PTPN5: variants seen among roughly 807,000 people sequenced by gnomAD.
PTPN5 encodes tyrosine-protein phosphatase non-receptor type 5.
A neutral mutation model predicts 73.9 loss-of-function variants in PTPN5; 29 were observed. That is an observed-to-expected ratio of 0.39 (90% CI 0.29 to 0.54). The LOEUF (loss-of-function observed/expected upper bound fraction) is 0.54, where lower values mean the gene tolerates loss of function less well. PTPN5 is among the 20% of genes least tolerant of loss of function. The pLI, the probability that PTPN5 is intolerant of heterozygous loss-of-function variation, is 0.65. For missense variants in PTPN5, 652 were observed against 751.4 expected (o/e 0.87, Z 1.55); for synonymous variants, 267 against 304.7 (o/e 0.88, Z 1.29).
chr11:18,762,265 C>A (rs1056367571), intron 3 of PTPN5, among the ~76,000 whole-genome samples: 2 of 152,134 alleles, frequency 1.3e-5, no homozygotes, highest in Non-Finnish European at 2.9e-5. Context: ...CATGGCTGGC[C>A]CTCACTCTGC....
intron 2 of PTPN5, 21 bp downstream of exon 2, chr11:18,771,918 A>C (rs142701506): frequency 0.021 from 33,265 of 1,593,700 alleles, 411 homozygotes; most frequent in Non-Finnish European, 0.025. Flanking sequence ...TTGCAGGGGG[A>C]CGGCGTAAAC....
chr11:18,767,673 G>C (rs1332973219), intron 2 of PTPN5, among the ~76,000 whole-genome samples: 2 of 152,240 alleles, frequency 1.3e-5, no homozygotes, highest in Non-Finnish European at 2.9e-5. Flanking sequence ...GTGGCATGGT[G>C]AACGCTTCTC....
upstream of PTPN5, chr11:18,792,218 T>TA (rs1851962418): frequency 6.8e-6 from 1 of 146,388 alleles, no homozygotes. Flanking sequence ...ACAGAAGGAG[T>TA]AGGGGCCAGC....
chr11:18,743,811 T>A, intron 4 of PTPN5, 195 bp downstream of exon 4: 1 of 627,276 alleles, frequency 1.6e-6, no homozygotes, highest in Non-Finnish European at 2.6e-6. Flanking sequence ...GGGTGTGAGG[T>A]CTCAGATGCT....
At chr11:18,752,146 G>C (rs1849917308) in intron 3 of PTPN5, among the ~76,000 whole-genome samples, 1 of 152,200 alleles carries the variant, frequency 6.6e-6, no homozygotes. Flanking sequence ...CAAGAGAATT[G>C]CTTGAACCTG....
chr11:18,781,743 G>A (rs998090864), intron 1 of PTPN5, among the ~76,000 whole-genome samples: 2 of 152,044 alleles, frequency 1.3e-5, no homozygotes, highest in Admixed American at 1.3e-4. Context: ...TGAGCCTTGG[G>A]GGACACACAG....
At chr11:18,777,054 G>A (rs1442705090) in intron 1 of PTPN5, among the ~76,000 whole-genome samples, 1 of 152,142 alleles carries the variant, frequency 6.6e-6, no homozygotes, top group African/African-American at 2.4e-5. Context: ...CCAGCTACTT[G>A]GGAGGCTGAG....
chr11:18,734,986 T>A (rs1849052182), intron 9 of PTPN5, among the ~76,000 whole-genome samples: 1 of 152,194 alleles, frequency 6.6e-6, no homozygotes, highest in Admixed American at 6.5e-5. Context: ...ACATGGACAA[T>A]TTACTTTATC....
At position 18,742,999 on chromosome 11, in the gene PTPN5, G is replaced by A. The variant is rs1303561191; in HGVS notation, c.476C>T (p.Thr159Ile). 1.3e-6 allele frequency: 2 copies of A among 1,550,424 alleles called. No individual in the cohort carries two copies. Among genetic ancestry groups the A allele is most frequent in the Non-Finnish European group, 1.7e-6 (2 of 1,145,858 alleles). ...VFLSVGLVLV[T>I]TLVWHLLRTP... ...GGTCAGGAGGCGCCTTACCAGGGTG[G>A]TAACGAGGACCAGGCCCACGGACAG... Residue 159 changes from threonine (T) to isoleucine (I), a missense_variant, in exon 6 of 15, where the codon ACC becomes ATC. Thr to Ile is a moderately conservative substitution (Grantham distance 89). Around this residue, in one of 3 missense-constraint regions of PTPN5, gnomAD observed 529 missense variants for 573.9 expected, o/e 0.92. Transcript: ENST00000358540. The surrounding 1 kb of genome is among the most constrained non-coding windows in gnomAD (Gnocchi z 4.1).
intron 1 of PTPN5, among the ~76,000 whole-genome samples, chr11:18,775,583 G>C (rs1230376296): frequency 2.6e-5 from 4 of 152,208 alleles, no homozygotes; most frequent in Admixed American, 2.6e-4. Flanking sequence ...GGGGAGTTTG[G>C]GAGGCTGGCT....
intron 9 of PTPN5, among the ~76,000 whole-genome samples, chr11:18,735,667 T>G (rs1430501946): frequency 6.6e-6 from 1 of 151,384 alleles, no homozygotes; most frequent in Non-Finnish European, 1.5e-5. Flanking sequence ...AATACAAAAA[T>G]TAGCCAGAAA....
chr11:18,758,520 T>C (rs1850249691), intron 3 of PTPN5, among the ~76,000 whole-genome samples: 1 of 152,202 alleles, frequency 6.6e-6, no homozygotes, highest in Admixed American at 6.5e-5. Flanking sequence ...AATGGAAGAA[T>C]CACCCAGCTA....
chr11:18,732,570 C>G (rs1413089887), intron 12 of PTPN5, 22 bp downstream of exon 12: 2 of 1,593,100 alleles, frequency 1.3e-6, no homozygotes, highest in Admixed American at 1.7e-5. Context: ...TCAGCTTCAC[C>G]CAGCCCTGCC....
chr11:18,789,156 C>T (rs1429496045), intron 1 of PTPN5, among the ~76,000 whole-genome samples: 3 of 152,104 alleles, frequency 2.0e-5, no homozygotes, highest in Non-Finnish European at 4.4e-5. Flanking sequence ...TAGGGTATAT[C>T]CACAAAGCTG....
intron 3 of PTPN5, among the ~76,000 whole-genome samples, chr11:18,755,043 G>T (rs1019292517): frequency 6.6e-6 from 1 of 152,186 alleles, no homozygotes; most frequent in Non-Finnish European, 1.5e-5. Flanking sequence ...GGTCCTAAGA[G>T]ACTGTGACTT....
chr11:18,765,708 G>T, intron 3 of PTPN5, 99 bp downstream of exon 3: 2 of 817,788 alleles, frequency 2.4e-6, no homozygotes, highest in African/African-American at 1.7e-5. Flanking sequence ...TCTTGCGCAA[G>T]TTCACAGCTA....
chr11:18,743,295 C>A, intron 5 of PTPN5, 27 bp downstream of exon 5: 1 of 1,606,334 alleles, frequency 6.2e-7, no homozygotes. Context: ...ATCCCTGCTA[C>A]CCTAGGACTC....
chr11:18,735,945 T>A (rs1391348521), intron 9 of PTPN5, among the ~76,000 whole-genome samples: 1 of 152,082 alleles, frequency 6.6e-6, no homozygotes, highest in Non-Finnish European at 1.5e-5. Context: ...ACTGCAATGA[T>A]CCAAGTAAGA....
At chr11:18,758,216 T>C (rs1404794665) in intron 3 of PTPN5, among the ~76,000 whole-genome samples, 3 of 152,202 alleles carry the variant, frequency 2.0e-5, no homozygotes, top group Non-Finnish European at 2.9e-5. Flanking sequence ...ATCCCTTGGA[T>C]CTAGGCTGAC....
Sources: allele counts gnomAD v4.1 joint callset (sites outside exome capture counted in the v4.1 genomes callset), GRCh38; gene constraint gnomAD v4.1.1; regional missense constraint gnomAD v4.1.1; non-coding constraint Gnocchi (gnomAD v3.1); transcripts MANE v1.5; gene names NCBI Gene and HGNC (gene_info 2026-07-23, HGNC 2026-07-21).